ZNF483: variants seen among roughly 807,000 people sequenced by gnomAD.
ZNF483 encodes zinc finger protein 483, also known as zinc finger protein HIT-10.
A neutral mutation model predicts 28.6 loss-of-function variants in ZNF483; 9 were observed. That is an observed-to-expected ratio of 0.32 (90% CI 0.19 to 0.55). The LOEUF (loss-of-function observed/expected upper bound fraction) is 0.55, where lower values mean the gene tolerates loss of function less well. Among genes scored for constraint, ZNF483 ranks in the 20% least tolerant of loss-of-function variants. The probability of loss-of-function intolerance (pLI) is 0.93; values close to 1 mark genes in which losing one functional copy is unlikely to be tolerated. For synonymous variants in ZNF483, 322 were observed against 306.2 expected (o/e 1.05, Z -0.54); for missense variants, 675 against 871.7 (o/e 0.77, Z 2.84).
At position 111,543,753 on chromosome 9, in the gene ZNF483, T is replaced by G. The variant is rs1009611495; in HGVS notation, c.*583T>G. ...AATACAATACCACTATTCAGGATGC[T>G]GGACTTCTTTTCTTTTTTTTTTCTT... On this transcript the variant is annotated 3_prime_UTR_variant, in exon 6 of 6. Coordinates refer to ENST00000309235, the MANE Select transcript of ZNF483 (RefSeq NM_133464.5). The G allele has an allele frequency of 1.5e-4, 140 of 960,990 alleles. 1 individual carries two copies. The highest frequency in any genetic ancestry group is 5.0e-4 in the Admixed American group (8 of 16,076). 59.5% of individuals were successfully genotyped at this position (960,990 alleles called of 1,614,324 possible).
At chr9:111,570,005 G>C (rs1828737669) in intron 5 of ZNF483, 2 of 1,583,286 alleles carry the variant, frequency 1.3e-6, no homozygotes, top group Admixed American at 1.8e-5. Flanking sequence ...CAGAGATGGG[G>C]AAGAATTGGT....
chr9:111,558,964 C>G (rs1165920992), downstream of ZNF483, among the ~76,000 whole-genome samples: 1 of 152,134 alleles, frequency 6.6e-6, no homozygotes, highest in African/African-American at 2.4e-5. Flanking sequence ...CCCTCTCCTG[C>G]AGATGCTCCT....
chr9:111,537,434 A>T (rs1827540986), intron 5 of ZNF483, among the ~76,000 whole-genome samples: 1 of 151,510 alleles, frequency 6.6e-6, no homozygotes, highest in South Asian at 2.1e-4. Flanking sequence ...GTTGATCTCG[A>T]GCTCCTGACC....
At chr9:111,577,943 A>G (rs1209342485), downstream of ZNF483, 2 of 152,114 alleles carry the variant, frequency 1.3e-5, no homozygotes, top group Admixed American at 1.3e-4. Flanking sequence ...ATAAGAGACC[A>G]CTTTTAGTGG....
chr9:111,566,159 C>T (rs113091341), intron 5 of ZNF483, among the ~76,000 whole-genome samples: 9 of 152,150 alleles, frequency 5.9e-5, no homozygotes, highest in South Asian at 2.1e-4. Flanking sequence ...GCTGAGATCG[C>T]GCCACTGCAC....
Position 111,549,883 on chromosome 9 carries a change from T to C in ZNF483, c.*6713T>C. 1.2e-6 allele frequency: 1 copy of C among 833,378 alleles called. No homozygotes were observed. Among genetic ancestry groups the C allele is most frequent in the South Asian group, 1.6e-5 (1 of 64,110 alleles). 51.6% of individuals were successfully genotyped at this position (833,378 alleles called of 1,614,324 possible). The stretch of plus-strand genomic sequence containing the variant: ...GTCTGTCTAGTGAGTCAATGTTTGG[T>C]CTTCCTCATGTCCATTTTTTGTTGG... On this transcript the variant is annotated 3_prime_UTR_variant, in exon 6 of 6. Coordinates refer to ENST00000309235, the MANE Select transcript of ZNF483 (RefSeq NM_133464.5).
rs1827788677 is a variant in ZNF483, at chr9:111,545,613, G to A, written c.*2443G>A. Among the ~76,000 whole-genome samples the A allele has an allele frequency of 6.6e-6, 1 of 152,066 alleles. No homozygotes were observed. The highest frequency in any genetic ancestry group is 2.4e-5 in the African/African-American group (1 of 41,380). ...AATCCCAGGCACCCACTACTCAGTC[G>A]ACTTTGTGTCTCTAGAGTTGTCTTT... On this transcript the variant is annotated 3_prime_UTR_variant, in exon 6 of 6. Transcript: ENST00000309235.
chr9:111,574,869 T>C, intron 5 of ZNF483: 1 of 1,476,804 alleles, frequency 6.8e-7, no homozygotes, highest in Non-Finnish European at 9.4e-7. Context: ...GACAAAATGT[T>C]AAATAATCTA....
At chr9:111,541,464 C>T (rs964787825) in intron 5 of ZNF483, among the ~76,000 whole-genome samples, 193 bp from the exon 6 acceptor site, 22 of 152,170 alleles carry the variant, frequency 1.4e-4, no homozygotes, top group African/African-American at 5.1e-4. Flanking sequence ...TCATCTTTCT[C>T]AATGTTTTTC....
chr9:111,563,182 G>A (rs1828386968), intron 5 of ZNF483: 3 of 1,613,716 alleles, frequency 1.9e-6, no homozygotes, highest in South Asian at 1.1e-5. Context: ...AAATGCAGCT[G>A]GCATGTTTTC....
rs962847918 is a variant in ZNF483, at chr9:111,530,980, G to C, written c.501+17G>C. The C allele has an allele frequency of 7.5e-7, 1 of 1,326,746 alleles. No homozygotes were observed. The highest frequency in any genetic ancestry group is 1.5e-5 in the African/African-American group (1 of 68,528). The allele number at this position is 1,326,746 out of a possible 1,614,324, so 82.2% of individuals were successfully genotyped here. A position where few individuals can be genotyped will look rare whatever the true frequency, so the allele number is the denominator to read the frequency against. ...GAGTCCTGTGTAAGTTTCCTTTGAT[G>C]GTTTTTATTCCTAAGTGAATACTTA... On this transcript the variant is annotated intron_variant, in intron 3 of 5. Coordinates refer to ENST00000309235, the MANE Select transcript of ZNF483 (RefSeq NM_133464.5).
intron 3 of ZNF483, among the ~76,000 whole-genome samples, chr9:111,533,133 A>G (rs902997873): frequency 6.6e-6 from 1 of 152,222 alleles, no homozygotes; most frequent in Non-Finnish European, 1.5e-5. Context: ...CTGCAAATTT[A>G]GGGTTCAGGA....
chr9:111,540,906 A>C (rs2132254144), intron 5 of ZNF483, among the ~76,000 whole-genome samples: 1 of 152,240 alleles, frequency 6.6e-6, no homozygotes, highest in Admixed American at 6.5e-5. Flanking sequence ...CATCCATAAA[A>C]CCGAGATGGT....
At chr9:111,569,869 G>A in intron 5 of ZNF483, 1 of 630,152 alleles carries the variant, frequency 1.6e-6, no homozygotes, top group Non-Finnish European at 2.6e-6. Context: ...GAAGGGAAAT[G>A]GACCTGCATT....
chr9:111,566,960 A>G (rs925260232), intron 5 of ZNF483, among the ~76,000 whole-genome samples: 2 of 152,028 alleles, frequency 1.3e-5, no homozygotes, highest in Non-Finnish European at 2.9e-5. Flanking sequence ...GTGGTGGCAC[A>G]TGACTGTTGT....
chr9:111,555,394 T>C lies in ZNF483; in HGVS notation c.*12224T>C, dbSNP rs1828092512. ...CTGATGCCTCCACCTCCTAAATCTTTCCATATTTCATTAGTACCCCATCAG... is the reference window on the plus strand; with the variant it reads ...CTGATGCCTCCACCTCCTAAATCTTCCCATATTTCATTAGTACCCCATCAG... On this transcript the variant is annotated 3_prime_UTR_variant, in exon 6 of 6. Transcript: ENST00000309235. 1.3e-5 allele frequency among the ~76,000 whole-genome samples: 2 copies of C among 152,174 alleles called. No individual in the cohort carries two copies. The highest frequency in any genetic ancestry group is 2.4e-5 in the African/African-American group (1 of 41,422).
In ZNF483 at chr9:111,550,658, CT is replaced by C. The variant is rs1197469922; in HGVS notation, c.*7489del. On this transcript the variant is annotated 3_prime_UTR_variant, in exon 6 of 6. Coordinates refer to ENST00000309235, the MANE Select transcript of ZNF483 (RefSeq NM_133464.5). ...TGGAGAGGTGGATTCCTGGGCCACTCTATCCATGTCTTTGATTTTTCCTGCT... is the reference window on the plus strand; with the variant it reads ...TGGAGAGGTGGATTCCTGGGCCACTCATCCATGTCTTTGATTTTTCCTGCT... Among the ~76,000 whole-genome samples the C allele has an allele frequency of 6.6e-6, 1 of 152,212 alleles. No individual in the cohort carries two copies. The highest frequency in any genetic ancestry group is 2.4e-5 in the African/African-American group (1 of 41,458).
At position 111,542,612 on chromosome 9, in the gene ZNF483, C is replaced by T; in HGVS notation, c.1677C>T (p.Ser559=). 1 of 1,613,878 alleles carries T rather than the reference C, an allele frequency of 6.2e-7. No homozygotes were observed. Residue 559 remains serine (S), a synonymous_variant, in exon 6 of 6, where the codon TCC becomes TCT. Transcript: ENST00000309235. The surrounding 1 kb of genome is among the most constrained non-coding windows in gnomAD (Gnocchi z 6.2). ...KPYTCSNCGK[S]FSHSSSLSKH... The stretch of plus-strand genomic sequence containing the variant: ...ATACATGTAGCAATTGTGGAAAATC[C>T]TTCAGTCATAGCTCATCCCTTTCCA...
In ZNF483 at chr9:111,542,682, G is replaced by A. The variant is rs1459476097; in HGVS notation, c.1747G>A (p.Glu583Lys). 12 of 1,613,500 alleles carry A rather than the reference G, an allele frequency of 7.4e-6. No individual in the cohort carries two copies. The highest frequency in any genetic ancestry group is 2.2e-5 in the South Asian group (2 of 91,040). The change falls in exon 6 of 6, where the codon GAA becomes AAA. Residue 583 changes from glutamate to lysine, a missense_variant. By Grantham distance (56) the Glu-to-Lys change is moderately conservative. Coordinates refer to ENST00000309235, the MANE Select transcript of ZNF483 (RefSeq NM_133464.5). The surrounding 1 kb of genome is among the most constrained non-coding windows in gnomAD (Gnocchi z 6.2). The stretch of plus-strand genomic sequence containing the variant: ...TGGAGAGAAACCCTATAAATGTGGC[G>A]AATGTGGAAAAGCCTTTAGGCAGAA... ...HTGEKPYKCGECGKAFRQNSC... is the reference protein window; with the variant it reads ...HTGEKPYKCGKCGKAFRQNSC...
Sources: allele counts gnomAD v4.1 joint callset (sites outside exome capture counted in the v4.1 genomes callset), GRCh38; gene constraint gnomAD v4.1.1; non-coding constraint Gnocchi (gnomAD v3.1); transcripts MANE v1.5; gene names NCBI Gene and HGNC (gene_info 2026-07-23, HGNC 2026-07-21).